The following TENM2 variants were observed in gnomAD, a reference collection of about 807,000 sequenced individuals.
TENM2 encodes the protein teneurin transmembrane protein 2, also known as teneurin-2.
A neutral mutation model predicts 245.2 loss-of-function variants in TENM2; 52 were observed. The observed-to-expected ratio is 0.21, with a 90% CI of 0.17 to 0.27. TENM2 has a LOEUF of 0.27. TENM2 is among the 10% of genes least tolerant of loss of function. The probability of loss-of-function intolerance (pLI) is 1.00; values close to 1 mark genes in which losing one functional copy is unlikely to be tolerated. For synonymous variants in TENM2, 1,363 were observed against 1,438.9 expected, an observed-to-expected ratio of 0.95 and a Z score of 1.19; for missense variants, 3,046 against 3,666.8, an observed-to-expected ratio of 0.83 and a Z score of 4.37.
At chr5:167,517,619 G>T (rs1437100593) in intron 2 of TENM2, among the ~76,000 whole-genome samples, 2 of 148,778 alleles carry the variant, frequency 1.3e-5, no homozygotes, top group Non-Finnish European at 2.9e-5. Context: ...TCAGCTGAGG[G>T]GTCTGAATAA....
At chr5:167,670,673 C>T (rs1245093526) in intron 2 of TENM2, among the ~76,000 whole-genome samples, 1 of 152,174 alleles carries the variant, frequency 6.6e-6, no homozygotes, top group Non-Finnish European at 1.5e-5. Context: ...TCACAGTGAG[C>T]CTGACTTCCA....
chr5:167,606,856 G>A (rs1187812900), intron 2 of TENM2, among the ~76,000 whole-genome samples: 1 of 152,174 alleles, frequency 6.6e-6, no homozygotes, highest in Non-Finnish European at 1.5e-5. Flanking sequence ...CATCTCTAAA[G>A]TATTGTAAAA....
At chr5:167,506,569 C>T (rs1464807000) in intron 2 of TENM2, among the ~76,000 whole-genome samples, 1 of 152,160 alleles carries the variant, frequency 6.6e-6, no homozygotes, top group East Asian at 1.9e-4. Flanking sequence ...ATAAATAAGA[C>T]TCAGCAATCA....
the TENM2 span, among the ~76,000 whole-genome samples, chr5:167,230,347 CCAG>C: frequency 1.3e-5 from 2 of 152,102 alleles, no homozygotes; most frequent in African/African-American, 2.4e-5. Context: ...TCAGCTGATC[CCAG>C]CAAAACAGGC....
intron 2 of TENM2, among the ~76,000 whole-genome samples, chr5:167,818,616 T>A (rs1767254058): frequency 6.6e-6 from 1 of 152,132 alleles, no homozygotes; most frequent in Non-Finnish European, 1.5e-5. Flanking sequence ...CCCTTAGGCC[T>A]TCCCACATCA....
chr5:167,809,125 C>T (rs1485545405), intron 2 of TENM2, among the ~76,000 whole-genome samples: 4 of 152,274 alleles, frequency 2.6e-5, no homozygotes, highest in South Asian at 2.1e-4. Context: ...TTACACAAGA[C>T]GCTGTCTCAG....
chr5:168,238,224 GAAA>G, intron 25 of TENM2, among the ~76,000 whole-genome samples: 1 of 51,882 alleles, frequency 1.9e-5, no homozygotes, highest in Non-Finnish European at 4.0e-5. Flanking sequence ...GGAGAGAGAA[GAAA>G]AGAAAAGAAA....
At chr5:167,819,129 G>C (rs941870838) in intron 2 of TENM2, among the ~76,000 whole-genome samples, 2 of 151,950 alleles carry the variant, frequency 1.3e-5, no homozygotes, top group African/African-American at 4.8e-5. Context: ...TATTGCTGAG[G>C]GAAGTCCTGC....
chr5:167,971,906 G>A (rs1781824416), intron 4 of TENM2, among the ~76,000 whole-genome samples: 1 of 152,182 alleles, frequency 6.6e-6, no homozygotes, highest in Admixed American at 6.5e-5. Flanking sequence ...CAACACGCCA[G>A]CGCCTTCCAC....
intron 5 of TENM2, among the ~76,000 whole-genome samples, chr5:168,012,414 G>A (rs1785289934): frequency 6.6e-6 from 1 of 152,102 alleles, no homozygotes; most frequent in Non-Finnish European, 1.5e-5. Flanking sequence ...AGGCCAAGGT[G>A]AGAAGCTTGC....
At chr5:168,103,145 C>T (rs912224799) in intron 9 of TENM2, among the ~76,000 whole-genome samples, 10 of 149,794 alleles carry the variant, frequency 6.7e-5, no homozygotes, top group Non-Finnish European at 1.3e-4. Context: ...GGTTTTTTGT[C>T]CTTGCGATAG....
At chr5:167,153,285 T>C in the TENM2 span, among the ~76,000 whole-genome samples, 1 of 151,828 alleles carries the variant, frequency 6.6e-6, no homozygotes, top group Non-Finnish European at 1.5e-5. Context: ...TTAACACGTA[T>C]TTCATGTTAT....
intron 2 of TENM2, 40 bp from the exon 5 acceptor site, chr5:167,875,946 A>C: frequency 7.1e-7 from 1 of 1,417,142 alleles, no homozygotes; most frequent in Non-Finnish European, 9.7e-7. Context: ...CTCTCGTGAC[A>C]CTCATTGCTG....
the TENM2 span, among the ~76,000 whole-genome samples, chr5:167,269,094 T>C: frequency 2.0e-5 from 3 of 152,274 alleles, no homozygotes; most frequent in Admixed American, 2.0e-4. Flanking sequence ...AGAACATTTA[T>C]GTTGTATTTT....
At chr5:167,429,750 G>A (rs368079581) in intron 2 of TENM2, among the ~76,000 whole-genome samples, 6 of 151,854 alleles carry the variant, frequency 4.0e-5, no homozygotes, top group African/African-American at 1.2e-4. Context: ...GGGATTACAG[G>A]TGTCCACCAC....
At chr5:168,162,402 A>C (rs1757820495) in intron 12 of TENM2, among the ~76,000 whole-genome samples, 1 of 152,150 alleles carries the variant, frequency 6.6e-6, no homozygotes, top group Non-Finnish European at 1.5e-5. Flanking sequence ...GTCAGTTGTC[A>C]CTGGGGATCC....
chr5:167,576,612 T>C lies in TENM2; in HGVS notation c.502+201139T>C, dbSNP rs562946270. ...TAACTGCACATTACTATTCAGAACATTTCATCCCTGAATGCTAAAACCCTT... is the reference window on the plus strand; with the variant it reads ...TAACTGCACATTACTATTCAGAACACTTCATCCCTGAATGCTAAAACCCTT... On this transcript the variant is annotated intron_variant, in intron 2 of 28. Coordinates refer to ENST00000518659, the Ensembl canonical transcript of TENM2. 3.3e-3 allele frequency among the ~76,000 whole-genome samples: 500 copies of C among 152,316 alleles called. 1 individual carries two copies. Among genetic ancestry groups the C allele is most frequent in the Non-Finnish European group, 6.0e-3 (405 of 68,020 alleles).
At chr5:167,987,064 A>C (rs1031277984) in intron 4 of TENM2, among the ~76,000 whole-genome samples, 4 of 152,216 alleles carry the variant, frequency 2.6e-5, no homozygotes, top group Non-Finnish European at 5.9e-5. Flanking sequence ...AACGATTGCT[A>C]TCATTTTGCC....
the TENM2 span, among the ~76,000 whole-genome samples, chr5:167,008,316 G>A: frequency 1.3e-5 from 2 of 152,158 alleles, no homozygotes; most frequent in African/African-American, 4.8e-5. Context: ...GAATAAAGGA[G>A]TTGATATAGT....
Sources: gnomAD v4.1 joint callset for allele counts (sites outside exome capture counted in the v4.1 genomes callset) on GRCh38, gnomAD v4.1.1 for gene constraint, MANE v1.5 for transcripts, NCBI Gene and HGNC (gene_info 2026-07-23, HGNC 2026-07-21) for gene names.